The following CSMD1 variants were observed in gnomAD, a reference collection of about 807,000 sequenced individuals.
CSMD1 encodes CUB and sushi domain-containing protein 1.
CSMD1 carries 213 observed loss-of-function variants against 417.5 expected under a neutral mutation model. That is an observed-to-expected ratio of 0.51 (90% CI 0.46 to 0.57). The LOEUF is 0.57. CSMD1 is among the 20% of genes least tolerant of loss of function. The pLI, the probability that CSMD1 is intolerant of heterozygous loss-of-function variation, is 0.00. For synonymous variants in CSMD1, 2,862 were observed against 1,736.8 expected, an observed-to-expected ratio of 1.65 and a Z score of -16.11; for missense variants, 6,923 against 4,529.7, an observed-to-expected ratio of 1.53 and a Z score of -15.17.
At chr8:4,871,341 C>T (rs114323613) in intron 1 of CSMD1, among the ~76,000 whole-genome samples, 1 of 152,080 alleles carries the variant, frequency 6.6e-6, no homozygotes, top group African/African-American at 2.4e-5. Flanking sequence ...ATGCTTCCAG[C>T]TATGCATATT....
chr8:4,987,554 A>C (rs1811244231), intron 1 of CSMD1, among the ~76,000 whole-genome samples: 1 of 152,210 alleles, frequency 6.6e-6, no homozygotes, highest in South Asian at 2.1e-4. Flanking sequence ...GCTCCCCAAA[A>C]TATATCACGC....
At chr8:3,995,152 A>G (rs1047566115) in intron 5 of CSMD1, among the ~76,000 whole-genome samples, 2 of 152,190 alleles carry the variant, frequency 1.3e-5, no homozygotes, top group Non-Finnish European at 2.9e-5. Flanking sequence ...GATAAATCAT[A>G]TTATGCATTT....
At chr8:4,071,154 C>G (rs917561071) in intron 3 of CSMD1, among the ~76,000 whole-genome samples, 1 of 151,694 alleles carries the variant, frequency 6.6e-6, no homozygotes, top group African/African-American at 2.4e-5. Flanking sequence ...AGAATGTCAT[C>G]CATTAGTACA....
intron 3 of CSMD1, among the ~76,000 whole-genome samples, chr8:4,104,466 G>C (rs1585321150): frequency 6.6e-6 from 1 of 152,122 alleles, no homozygotes; most frequent in African/African-American, 2.4e-5. Context: ...TATGTGCACT[G>C]AATGTATTTG....
At chr8:3,244,911 C>G (rs1484946188) in intron 26 of CSMD1, among the ~76,000 whole-genome samples, 1 of 152,186 alleles carries the variant, frequency 6.6e-6, no homozygotes, top group Non-Finnish European at 1.5e-5. Context: ...CCCAAGGGCG[C>G]TGAGAAGTAA....
At chr8:4,932,932 A>G (rs1807343121) in intron 1 of CSMD1, among the ~76,000 whole-genome samples, 1 of 152,210 alleles carries the variant, frequency 6.6e-6, no homozygotes, top group Non-Finnish European at 1.5e-5. Context: ...TTAAATTATT[A>G]TAGGTACATA....
chr8:3,491,912 C>T (rs977773256), intron 11 of CSMD1, among the ~76,000 whole-genome samples: 57 of 152,256 alleles, frequency 3.7e-4, no homozygotes, highest in Non-Finnish European at 7.1e-4. Flanking sequence ...GTTTAAAAGG[C>T]GGGTCCAGGG....
intron 1 of CSMD1, among the ~76,000 whole-genome samples, chr8:4,937,068 C>T (rs1056184529): frequency 6.6e-6 from 1 of 152,046 alleles, no homozygotes; most frequent in Non-Finnish European, 1.5e-5. Context: ...AAATAATTAG[C>T]CAGGCATTGT....
At chr8:4,951,955 T>C (rs556768492) in intron 1 of CSMD1, among the ~76,000 whole-genome samples, 72 of 151,666 alleles carry the variant, frequency 4.7e-4, no homozygotes, top group African/African-American at 1.7e-3. Flanking sequence ...CTGAAACTGG[T>C]GACTCCTTCA....
chr8:3,597,889 G>T (rs1261989409), intron 8 of CSMD1, among the ~76,000 whole-genome samples: 5 of 152,164 alleles, frequency 3.3e-5, no homozygotes, highest in African/African-American at 1.2e-4. Context: ...TAATGTAAAT[G>T]ATGAGTTGAT....
intron 4 of CSMD1, among the ~76,000 whole-genome samples, chr8:4,002,573 A>G (rs542596330): frequency 6.6e-6 from 1 of 152,354 alleles, no homozygotes; most frequent in African/African-American, 2.4e-5. Flanking sequence ...AATTTTTGAT[A>G]TAATATTTAC....
intron 3 of CSMD1, among the ~76,000 whole-genome samples, chr8:4,340,277 G>T (rs899996973): frequency 6.6e-6 from 1 of 151,606 alleles, no homozygotes; most frequent in East Asian, 1.9e-4. Flanking sequence ...CTTTTTCCTT[G>T]AGACTAGTCA....
At chr8:4,067,342 A>C (rs188833973) in intron 3 of CSMD1, among the ~76,000 whole-genome samples, 79 of 152,374 alleles carry the variant, frequency 5.2e-4, no homozygotes, top group African/African-American at 1.8e-3. Flanking sequence ...GTAAGGTATA[A>C]TTCAGGGAAT....
intron 1 of CSMD1, among the ~76,000 whole-genome samples, chr8:4,756,368 A>G (rs1811667106): frequency 6.6e-6 from 1 of 152,158 alleles, no homozygotes; most frequent in Non-Finnish European, 1.5e-5. Context: ...TATTTTTAAA[A>G]GTAACACTTG....
At chr8:4,067,376 C>G (rs573479058) in intron 3 of CSMD1, among the ~76,000 whole-genome samples, 90 of 152,250 alleles carry the variant, frequency 5.9e-4, no homozygotes, top group Non-Finnish European at 1.2e-3. Flanking sequence ...GGGAGTTAAA[C>G]TGGATTTTGG....
chr8:4,751,841 G>T (rs151237607), intron 1 of CSMD1, among the ~76,000 whole-genome samples: 2 of 152,124 alleles, frequency 1.3e-5, no homozygotes, highest in East Asian at 1.9e-4. Context: ...CATGTTCTCT[G>T]TCCGAAAATA....
intron 2 of CSMD1, among the ~76,000 whole-genome samples, chr8:4,457,008 A>G (rs1203988445): frequency 6.6e-6 from 1 of 151,510 alleles, no homozygotes; most frequent in Non-Finnish European, 1.5e-5. Context: ...AACAACAAGA[A>G]AAGAAAATCA....
At chr8:3,461,554 G>A (rs1031371727) in intron 12 of CSMD1, among the ~76,000 whole-genome samples, 2 of 152,198 alleles carry the variant, frequency 1.3e-5, no homozygotes. Context: ...TGGTTGTAGA[G>A]AACCTGCTTC....
At chr8:3,790,038 G>C (rs1437397743) in intron 5 of CSMD1, among the ~76,000 whole-genome samples, 3 of 152,114 alleles carry the variant, frequency 2.0e-5, no homozygotes, top group South Asian at 2.1e-4. Flanking sequence ...GCCGATCATG[G>C]TTAATATTAA....
Sources: allele counts gnomAD v4.1 joint callset (sites outside exome capture counted in the v4.1 genomes callset), GRCh38; gene constraint gnomAD v4.1.1; transcripts MANE v1.5; gene names NCBI Gene and HGNC (gene_info 2026-07-23, HGNC 2026-07-21).